Variants in SGO2 observed in about 807,000 individuals in gnomAD.
The protein encoded by SGO2 is shugoshin-like 2.
SGO2 carries 68 observed loss-of-function variants against 99.5 expected under a neutral mutation model. That is an observed-to-expected ratio of 0.68 (90% CI 0.56 to 0.84). The LOEUF (loss-of-function observed/expected upper bound fraction) is 0.84. SGO2 is among the 40% of genes least tolerant of loss of function. SGO2 has a pLI of 0.00. For missense variants in SGO2, 1,350 were observed against 1,436.7 expected, an observed-to-expected ratio of 0.94 and a Z score of 0.97; for synonymous variants, 457 against 487.1, an observed-to-expected ratio of 0.94 and a Z score of 0.81.
intron 8 of SGO2, chr2:200,580,484 ATTG>A (rs1482935828): frequency 4.6e-6 from 2 of 435,364 alleles, no homozygotes; most frequent in Admixed American, 2.6e-5. Context: ...TTACTTTATT[ATTG>A]TTGTTTTCCC....
intron 5 of SGO2, among the ~76,000 whole-genome samples, chr2:200,553,700 C>T (rs1430994501): frequency 6.6e-6 from 1 of 152,138 alleles, no homozygotes; most frequent in Non-Finnish European, 1.5e-5. Context: ...TAAACATAAG[C>T]TCTTTTTAAA....
At chr2:200,556,482 A>G (rs780123602) in intron 5 of SGO2, among the ~76,000 whole-genome samples, 5 of 152,208 alleles carry the variant, frequency 3.3e-5, no homozygotes, top group Non-Finnish European at 7.3e-5. Context: ...AGGAGGTGGT[A>G]AGCAATTTTT....
chr2:200,573,314 T>TC lies in SGO2; in HGVS notation c.2969dup (p.Ser991IlefsTer12). The TC allele has an allele frequency of 6.2e-7, 1 of 1,605,098 alleles. No individual in the cohort carries two copies. The highest frequency in any genetic ancestry group is 8.5e-7 in the Non-Finnish European group (1 of 1,177,488). On this transcript the variant is annotated frameshift_variant, in exon 7 of 9. Coordinates refer to ENST00000357799, the MANE Select transcript of SGO2 (RefSeq NM_152524.6). LOFTEE classifies it high-confidence loss of function. ...AGTAGTTAAAAAACGTAAGAAAGAA[T>TC]CATCATGCAAGGCAAAGAACATTTT...
chr2:200,567,687 A>T (rs1241258998), intron 5 of SGO2, among the ~76,000 whole-genome samples: 1 of 152,198 alleles, frequency 6.6e-6, no homozygotes, highest in Non-Finnish European at 1.5e-5. Context: ...TGGATATTTC[A>T]TATGAATGGA....
chr2:200,559,769 T>C (rs2032869776), intron 5 of SGO2, among the ~76,000 whole-genome samples: 1 of 152,168 alleles, frequency 6.6e-6, no homozygotes, highest in Non-Finnish European at 1.5e-5. Context: ...AGTTCAAGAT[T>C]TTTTTTCCTG....
intron 4 of SGO2, among the ~76,000 whole-genome samples, chr2:200,540,468 T>C (rs1429097769): frequency 6.6e-6 from 1 of 152,182 alleles, no homozygotes; most frequent in African/African-American, 2.4e-5. Context: ...GATGAGTGGG[T>C]CTGAGAGTTC....
intron 1 of SGO2, 104 bp from the exon 2 acceptor site, chr2:200,532,870 C>T (rs933430329): frequency 1.4e-5 from 17 of 1,175,306 alleles, no homozygotes; most frequent in Non-Finnish European, 2.0e-5. Context: ...ATACTTAATG[C>T]ACAAAGTATA....
chr2:200,545,362 C>T (rs930140558), intron 5 of SGO2, among the ~76,000 whole-genome samples: 3 of 152,142 alleles, frequency 2.0e-5, no homozygotes, highest in Non-Finnish European at 4.4e-5. Context: ...TGAATGGTGT[C>T]TTTAGATGAC....
At chr2:200,567,787 T>C (rs2033245655) in intron 5 of SGO2, among the ~76,000 whole-genome samples, 1 of 152,260 alleles carries the variant, frequency 6.6e-6, no homozygotes, top group Non-Finnish European at 1.5e-5. Context: ...ATATGAGCAT[T>C]TCATTACTTT....
intron 5 of SGO2, among the ~76,000 whole-genome samples, chr2:200,558,865 C>T (rs1429470510): frequency 3.3e-5 from 5 of 149,878 alleles, no homozygotes; most frequent in African/African-American, 9.9e-5. Flanking sequence ...TGCAGTGGTG[C>T]GATCTTGGCT....
In SGO2 at chr2:200,583,922, T is replaced by C. The variant is rs2033914360; in HGVS notation, c.*458T>C. 1 of 152,412 alleles carries C rather than the reference T, an allele frequency of 6.6e-6. No individual in the cohort carries two copies. The highest frequency in any genetic ancestry group is 2.1e-4 in the South Asian group (1 of 4,834). The allele number at this position is 152,412 out of a possible 1,614,324, so 9.4% of individuals were successfully genotyped here. ...GTTTTCTCTCCCTTCATTCTTCTGT[T>C]TTCAGAAATACATGTTGAATGTCAG... On this transcript the variant is annotated 3_prime_UTR_variant, in exon 9 of 9. Coordinates refer to ENST00000357799, the MANE Select transcript of SGO2 (RefSeq NM_152524.6).
At chr2:200,566,454 G>A (rs1165239330) in intron 5 of SGO2, among the ~76,000 whole-genome samples, 23 of 152,194 alleles carry the variant, frequency 1.5e-4, no homozygotes, top group African/African-American at 5.3e-4. Context: ...AGGGGCACTC[G>A]GCCATATGAG....
intron 5 of SGO2, among the ~76,000 whole-genome samples, chr2:200,568,667 A>T (rs1419159497): frequency 1.3e-5 from 2 of 152,140 alleles, no homozygotes; most frequent in Admixed American, 1.3e-4. Context: ...TGAACCAATA[A>T]GACTGTAGGT....
At chr2:200,549,538 T>C (rs6435055) in intron 5 of SGO2, among the ~76,000 whole-genome samples, 1,684 of 152,090 alleles carry the variant, frequency 0.011, 36 homozygotes, top group African/African-American at 0.038. Context: ...AACAACACAT[T>C]AAAAAGAACA....
chr2:200,540,861 A>G (rs901676395), intron 4 of SGO2, among the ~76,000 whole-genome samples: 1 of 152,212 alleles, frequency 6.6e-6, no homozygotes, highest in Non-Finnish European at 1.5e-5. Flanking sequence ...AGAATACCAC[A>G]TACAGGGTAA....
At position 200,569,845 on chromosome 2, in the gene SGO2, TA is replaced by T. The variant is rs1332319250; in HGVS notation, c.657del (p.Asp220MetfsTer9). 1 of 1,603,262 alleles carries T rather than the reference TA, an allele frequency of 6.2e-7. No individual in the cohort carries two copies. Among genetic ancestry groups the T allele is most frequent in the Admixed American group, 1.7e-5 (1 of 59,976 alleles). ...GAAAATAATCAAAATGTATATGGTT[TA>T]GATGATTCAGAACATATTTCTTCTA... ...LKENNQNVYG[L>X]DDSEHISSIV... On this transcript the variant is annotated frameshift_variant, in exon 6 of 9. Coordinates refer to ENST00000357799, the MANE Select transcript of SGO2 (RefSeq NM_152524.6). LOFTEE classifies it high-confidence loss of function.
In SGO2 at chr2:200,575,643, G is replaced by A. The variant is rs375040517; in HGVS notation, c.3782+182G>A. On this transcript the variant is annotated intron_variant, in intron 8 of 8. Coordinates refer to ENST00000357799, the MANE Select transcript of SGO2 (RefSeq NM_152524.6). Reference sequence around the variant, plus strand: ...ATGTCCTTTGGACAGGCTATTTTTGGGGGGTTGGAGAATTGTCTGGATTTA... The same window carrying A: ...ATGTCCTTTGGACAGGCTATTTTTGAGGGGTTGGAGAATTGTCTGGATTTA... Among the ~76,000 whole-genome samples the A allele has an allele frequency of 1.5e-3, 232 of 152,240 alleles. 1 individual carries two copies. Among genetic ancestry groups the A allele is most frequent in the African/African-American group, 5.2e-3 (217 of 41,558 alleles).
chr2:200,583,489 T>C lies in SGO2; in HGVS notation c.*25T>C. On this transcript the variant is annotated 3_prime_UTR_variant, in exon 9 of 9. Coordinates refer to ENST00000357799, the MANE Select transcript of SGO2 (RefSeq NM_152524.6). ...AAGTGAATTTATGGATTCTGGTTTT[T>C]CTGAATTTTCAAAGCATAAGGAATC... The C allele has an allele frequency of 1.3e-6, 2 of 1,583,678 alleles. No homozygotes were observed. Among genetic ancestry groups the C allele is most frequent in the South Asian group, 1.2e-5 (1 of 83,112 alleles).
At chr2:200,536,433 A>G (rs963974388) in intron 4 of SGO2, among the ~76,000 whole-genome samples, 2 of 152,160 alleles carry the variant, frequency 1.3e-5, no homozygotes, top group African/African-American at 2.4e-5. Flanking sequence ...GAAAGGAAGC[A>G]TTTTAAGTGA....
Sources: allele counts gnomAD v4.1 joint callset (sites outside exome capture counted in the v4.1 genomes callset), GRCh38; gene constraint gnomAD v4.1.1; transcripts MANE v1.5; gene names NCBI Gene and HGNC (gene_info 2026-07-23, HGNC 2026-07-21).